Variants in GJA5 observed in about 807,000 individuals in gnomAD.
GJA5 encodes gap junction alpha-5 protein.
Under a neutral mutation model 7.9 loss-of-function variants are expected in GJA5, and 3 were observed. That is an observed-to-expected ratio of 0.38 (90% CI 0.17 to 0.99). The LOEUF (loss-of-function observed/expected upper bound fraction) is 0.99. GJA5 is among the 50% of genes least tolerant of loss of function. The pLI is 0.38. For synonymous variants in GJA5, 193 were observed against 181.0 expected, an observed-to-expected ratio of 1.07 and a Z score of -0.53; for missense variants, 390 against 457.9, an observed-to-expected ratio of 0.85 and a Z score of 1.35.
At position 147,758,820 on chromosome 1, in the gene GJA5, T is replaced by G; in HGVS notation, c.419A>C (p.Asn140Thr). ...KAELSCWEEG[N>T]GRIALQGTLL... ...AGTGCCCTGGAGGGCAATCCTTCCA[T>G]TCCCTTCCTCCCAGCAGGACAGTTC... Residue 140 changes from asparagine (N) to threonine (T), a missense_variant, in exon 2 of 2, where the codon AAT becomes ACT. Asn to Thr is a moderately conservative substitution (Grantham distance 65). Transcript: ENST00000579774. 6.2e-7 allele frequency: 1 copy of G among 1,614,186 alleles called. No homozygotes were observed. Among genetic ancestry groups the G allele is most frequent in the Non-Finnish European group, 8.5e-7 (1 of 1,180,012 alleles).
rs147330640 is a variant in GJA5 at position 147,758,172 on chromosome 1, A to T, written c.1067T>A (p.Leu356Gln). 1.2e-5 allele frequency: 20 copies of T among 1,608,892 alleles called. No individual in the cohort carries two copies. The highest frequency in any genetic ancestry group is 1.6e-5 in the Non-Finnish European group (19 of 1,175,212). The change falls in exon 2 of 2, where the codon CTA becomes CAA. Residue 356 changes from leucine (L) to glutamine (Q), a missense_variant. By Grantham distance (113) the Leu-to-Gln change is moderately radical (BLOSUM62 -2). Coordinates refer to ENST00000579774, the MANE Select transcript of GJA5 (RefSeq NM_181703.4). ...TCCCATAAAGGAGGGTCACACTGATAGGTCATCTGACCTTGCCTTGCTGCT... is the reference window on the plus strand; with the variant it reads ...TCCCATAAAGGAGGGTCACACTGATTGGTCATCTGACCTTGCCTTGCTGCT... The part of the protein sequence containing the change: ...KASSKARSDD[L>Q]SV
chr1:147,768,982 TCA>T (rs782428008), intron 1 of GJA5, among the ~76,000 whole-genome samples: 16 of 152,218 alleles, frequency 1.1e-4, no homozygotes, highest in Non-Finnish European at 2.2e-4. Flanking sequence ...CTCTTAACTC[TCA>T]GAGTTATCAT....
At position 147,758,891 on chromosome 1, in the gene GJA5, C is replaced by T. The variant is rs150168016; in HGVS notation, c.348G>A (p.Glu116=). 273 of 1,614,126 alleles carry T rather than the reference C, an allele frequency of 1.7e-4. 1 individual carries two copies. The highest frequency in any genetic ancestry group is 1.8e-4 in the Non-Finnish European group (216 of 1,180,042). The change falls in exon 2 of 2, where the codon GAG becomes GAA. Residue 116 remains glutamate, a synonymous_variant. Coordinates refer to ENST00000579774, the MANE Select transcript of GJA5 (RefSeq NM_181703.4). ...ACTCGTAAGAGCCAGAGCCCCGGAC[C>T]TCTTTGGCCCTCTCGGCCTCCCGTA... ...RKLREAERAK[E]VRGSGSYEYP...
At chr1:147,768,283 G>T (rs1553228499) in intron 1 of GJA5, among the ~76,000 whole-genome samples, 2 of 152,116 alleles carry the variant, frequency 1.3e-5, no homozygotes, top group African/African-American at 4.8e-5. Flanking sequence ...AGAACAGATG[G>T]GTCCACTCAG....
chr1:147,769,989 G>C (rs758906142), intron 1 of GJA5, among the ~76,000 whole-genome samples: 1 of 151,656 alleles, frequency 6.6e-6, no homozygotes, highest in African/African-American at 2.4e-5. Flanking sequence ...CAAGCAGAAG[G>C]CACACTCACA....
rs782126716 is a variant in GJA5 at position 147,758,462 on chromosome 1, C to A, written c.777G>T (p.Gln259His). The part of the protein sequence containing the change: ...QLSGPSVGIV[Q>H]SCTPPPDFNQ... Reference sequence around the variant, plus strand: ...TAAAGTCGGGGGGTGGTGTGCAGCTCTGGACTATGCCCACAGAGGGGCCAG... The same window carrying A: ...TAAAGTCGGGGGGTGGTGTGCAGCTATGGACTATGCCCACAGAGGGGCCAG... Residue 259 changes from glutamine (Q) to histidine (H), a missense_variant, in exon 2 of 2, where the codon CAG (glutamine) becomes CAT (histidine). Physicochemically the swap from Gln to His is conservative, Grantham distance 24. Around this residue, in one of 2 missense-constraint regions of GJA5, gnomAD observed 354 missense variants for 370.9 expected, o/e 0.95. Coordinates refer to ENST00000579774, the MANE Select transcript of GJA5 (RefSeq NM_181703.4). The A allele has an allele frequency of 1.5e-5, 24 of 1,614,188 alleles. No individual in the cohort carries two copies. The highest frequency in any genetic ancestry group is 2.0e-5 in the Non-Finnish European group (24 of 1,180,024).
At chr1:147,764,705 T>G (rs1330030611), upstream of GJA5, among the ~76,000 whole-genome samples, 1 of 151,208 alleles carries the variant, frequency 6.6e-6, no homozygotes, top group African/African-American at 2.4e-5. Context: ...GCACCTGTAA[T>G]CCCAGCTACT....
upstream of GJA5, among the ~76,000 whole-genome samples, chr1:147,761,118 C>A (rs1393814049): frequency 2.0e-5 from 3 of 152,322 alleles, no homozygotes; most frequent in Non-Finnish European, 2.9e-5. Flanking sequence ...GGCTCCCTAC[C>A]TCCAGAATTC....
Position 147,757,832 on chromosome 1 carries a change from T to G in GJA5, c.*330A>C. The G allele has an allele frequency of 5.4e-6, 2 of 367,714 alleles. No individual in the cohort carries two copies. The highest frequency in any genetic ancestry group is 1.0e-5 in the Non-Finnish European group (2 of 196,618). 22.8% of individuals were successfully genotyped at this position (367,714 alleles called of 1,614,324 possible). On this transcript the variant is annotated 3_prime_UTR_variant, in exon 2 of 2. Coordinates refer to ENST00000579774, the MANE Select transcript of GJA5 (RefSeq NM_181703.4). ...ATGCTGCTGGTATGTAGAGAGAGAG[T>G]CATTCTATCCCTCTGGCTATCCCTT...
chr1:147,766,902 A>G (rs1490967914), intron 1 of GJA5, among the ~76,000 whole-genome samples: 6 of 152,180 alleles, frequency 3.9e-5, no homozygotes, highest in African/African-American at 2.4e-5. Flanking sequence ...TTGTGAAAGG[A>G]CCCAAAGGGC....
chr1:147,764,714 C>T (rs1222360199), upstream of GJA5, among the ~76,000 whole-genome samples: 1 of 151,392 alleles, frequency 6.6e-6, no homozygotes, highest in Non-Finnish European at 1.5e-5. Flanking sequence ...ATCCCAGCTA[C>T]TCAGGAGGCT....
At chr1:147,770,841 G>C (rs187952805) in intron 1 of GJA5, among the ~76,000 whole-genome samples, 1 of 152,246 alleles carries the variant, frequency 6.6e-6, no homozygotes, top group East Asian at 1.9e-4. Flanking sequence ...AGTGCATCAA[G>C]CTGGCATCAC....
chr1:147,767,578 T>TC (rs1664254164), intron 1 of GJA5, among the ~76,000 whole-genome samples: 2 of 144,930 alleles, frequency 1.4e-5, no homozygotes, highest in African/African-American at 5.5e-5. Context: ...TTTTTTTTTT[T>TC]TTAGAGATGG....
rs587676638 is a variant in GJA5 at position 147,756,271 on chromosome 1, A to G, written c.*1891T>C. The stretch of plus-strand genomic sequence containing the variant: ...ATTTTTCCTTTCTAAAACCCTCACC[A>G]TCAAAGATTGATCCCACAGAATTTC... On this transcript the variant is annotated 3_prime_UTR_variant, in exon 2 of 2. Transcript: ENST00000579774. The G allele has an allele frequency of 3.9e-5, 6 of 152,344 alleles. No homozygotes were observed. The South Asian group carries it at 1.0e-3, about 26-fold the overall frequency. 9.4% of individuals were successfully genotyped at this position (152,344 alleles called of 1,614,324 possible).
intron 1 of GJA5, among the ~76,000 whole-genome samples, chr1:147,767,692 C>T (rs1195962437): frequency 1.3e-5 from 2 of 151,968 alleles, no homozygotes; most frequent in Admixed American, 1.3e-4. Flanking sequence ...GCCACCATGG[C>T]TGGCCTCTCA....
upstream of GJA5, among the ~76,000 whole-genome samples, chr1:147,764,838 A>C (rs947426630): frequency 0.017 from 2,535 of 151,280 alleles, 41 homozygotes; most frequent in Non-Finnish European, 0.027. Context: ...AAAAAAAAAA[A>C]AAAAATTAAT....
upstream of GJA5, among the ~76,000 whole-genome samples, chr1:147,764,639 A>C (rs1334255114): frequency 6.6e-6 from 1 of 152,136 alleles, no homozygotes; most frequent in Admixed American, 6.5e-5. Flanking sequence ...AGCCTGGCCA[A>C]CATGGTGAAA....
upstream of GJA5, among the ~76,000 whole-genome samples, chr1:147,763,138 T>C (rs932550027): frequency 8.5e-5 from 13 of 152,252 alleles, no homozygotes; most frequent in Admixed American, 8.5e-4. Context: ...ATCTCACCAT[T>C]TCTCACCCAT....
At chr1:147,770,524 A>G (rs1203456726) in intron 1 of GJA5, among the ~76,000 whole-genome samples, 1 of 152,188 alleles carries the variant, frequency 6.6e-6, no homozygotes, top group African/African-American at 2.4e-5. Context: ...AGCCATTTAA[A>G]ATATTTAATC....
Sources: allele counts gnomAD v4.1 joint callset (sites outside exome capture counted in the v4.1 genomes callset), GRCh38; gene constraint gnomAD v4.1.1; regional missense constraint gnomAD v4.1.1; transcripts MANE v1.5; gene names NCBI Gene and HGNC (gene_info 2026-07-23, HGNC 2026-07-21).